Variants in SETBP1 observed in about 807,000 individuals in gnomAD.
SETBP1 encodes SET binding protein 1.
In SETBP1, 9 loss-of-function variants were observed where a neutral mutation model predicts 101.0. The observed-to-expected ratio is 0.09, with a 90% CI of 0.05 to 0.16. The LOEUF is 0.16. Among genes scored for constraint, SETBP1 ranks in the 10% least tolerant of loss-of-function variants. The pLI, the probability that SETBP1 is intolerant of heterozygous loss-of-function variation, is 1.00. For synonymous variants in SETBP1, 818 were observed against 788.5 expected (o/e 1.04, Z -0.63); for missense variants, 1,858 against 2,033.8 (o/e 0.91, Z 1.66).
chr18:44,904,712 G>C (rs1425700409), intron 3 of SETBP1, among the ~76,000 whole-genome samples: 1 of 152,124 alleles, frequency 6.6e-6, no homozygotes. Context: ...TGATGTTTCT[G>C]GCTAGTAAGC....
At chr18:44,773,800 C>T (rs2070928056) in intron 2 of SETBP1, among the ~76,000 whole-genome samples, 1 of 144,592 alleles carries the variant, frequency 6.9e-6, no homozygotes, top group Admixed American at 7.1e-5. Flanking sequence ...CAGCCTCTCT[C>T]TCTCTCTCTC....
chr18:44,971,179 TCCA>T (rs1401980913), intron 4 of SETBP1, among the ~76,000 whole-genome samples: 9 of 152,266 alleles, frequency 5.9e-5, no homozygotes, highest in Admixed American at 5.9e-4. Flanking sequence ...TCCAGCTTCA[TCCA>T]TGTCCCTACA....
chr18:44,809,179 C>A (rs2071808974), intron 2 of SETBP1, among the ~76,000 whole-genome samples: 1 of 152,172 alleles, frequency 6.6e-6, no homozygotes, highest in Non-Finnish European at 1.5e-5. Flanking sequence ...TTTCAAACCA[C>A]AGCTTGATCC....
chr18:44,886,302 T>A (rs1234780187), intron 3 of SETBP1, among the ~76,000 whole-genome samples: 2 of 152,220 alleles, frequency 1.3e-5, no homozygotes, highest in Non-Finnish European at 1.5e-5. Context: ...CCAGTAGAGA[T>A]GAGACCTCCA....
At chr18:44,911,028 A>G (rs2070296329) in intron 3 of SETBP1, among the ~76,000 whole-genome samples, 1 of 152,326 alleles carries the variant, frequency 6.6e-6, no homozygotes, top group East Asian at 1.9e-4. Flanking sequence ...AGTGCTGTGT[A>G]ACACAGGCTG....
intron 3 of SETBP1, among the ~76,000 whole-genome samples, chr18:44,922,502 T>C (rs574241854): frequency 1.7e-4 from 26 of 152,370 alleles, no homozygotes; most frequent in East Asian, 9.7e-4. Flanking sequence ...ATTGTTGGAA[T>C]GTAAAGTGTT....
intron 2 of SETBP1, among the ~76,000 whole-genome samples, chr18:44,834,473 GTGTT>G (rs2072450714): frequency 6.6e-6 from 1 of 152,174 alleles, no homozygotes; most frequent in Non-Finnish European, 1.5e-5. Context: ...GGCTTCCTGA[GTGTT>G]TGTCAAGCAG....
chr18:45,041,117 A>G (rs2073499662), intron 5 of SETBP1, among the ~76,000 whole-genome samples: 1 of 152,186 alleles, frequency 6.6e-6, no homozygotes, highest in Admixed American at 6.5e-5. Flanking sequence ...TTGGATTGGA[A>G]CCCAAATTTC....
chr18:44,696,459 C>A (rs1478752488), intron 1 of SETBP1, among the ~76,000 whole-genome samples: 1 of 152,128 alleles, frequency 6.6e-6, no homozygotes, highest in Non-Finnish European at 1.5e-5. Flanking sequence ...GCATTTCCAC[C>A]AGGCTTCAGA....
rs1231248620 is a variant in SETBP1, at chr18:44,836,118, GC to G, written c.487-33111del. On this transcript the variant is annotated intron_variant, in intron 2 of 5. Transcript: ENST00000649279. ...AACATCATTTCCTTACTCTCTATAA[GC>G]TTTTTTTTTTTTATTGTAAATGTTA... Among the ~76,000 whole-genome samples, 7 of 44,268 alleles carry G rather than the reference GC, an allele frequency of 1.6e-4. No individual in the cohort carries two copies. In the East Asian group the frequency reaches 2.8e-3, roughly 18 times the overall value. The allele number at this position is 44,268 out of a possible 152,430, so 29.0% of individuals were successfully genotyped here. A position where few individuals can be genotyped will look rare whatever the true frequency, so the allele number is the denominator to read the frequency against.
chr18:44,989,980 TC>T, intron 4 of SETBP1, among the ~76,000 whole-genome samples: 1 of 133,412 alleles, frequency 7.5e-6, no homozygotes, highest in African/African-American at 2.7e-5. Flanking sequence ...AAACAAACAA[TC>T]ATTAGGTTTT....
chr18:45,017,029 C>T (rs985873911), intron 4 of SETBP1, among the ~76,000 whole-genome samples: 1 of 152,118 alleles, frequency 6.6e-6, no homozygotes, highest in African/African-American at 2.4e-5. Context: ...CTTTTTGTCT[C>T]GTCCTTTGTT....
intron 4 of SETBP1, among the ~76,000 whole-genome samples, chr18:44,963,140 C>A (rs9957769): frequency 0.048 from 7,358 of 152,198 alleles, 630 homozygotes; most frequent in African/African-American, 0.17. Context: ...TCCTAGCATC[C>A]TCCCAACCCC....
At chr18:45,005,382 C>G (rs1270756464) in intron 4 of SETBP1, among the ~76,000 whole-genome samples, 1 of 152,116 alleles carries the variant, frequency 6.6e-6, no homozygotes, top group African/African-American at 2.4e-5. Context: ...AGGATGATGC[C>G]TGTAATAGGG....
At chr18:44,721,182 T>C (rs2069585530) in intron 2 of SETBP1, among the ~76,000 whole-genome samples, 1 of 152,162 alleles carries the variant, frequency 6.6e-6, no homozygotes, top group Non-Finnish European at 1.5e-5. Context: ...GAAGAAGTAA[T>C]TGATTTCTTT....
intron 3 of SETBP1, among the ~76,000 whole-genome samples, chr18:44,884,269 G>A (rs1215316416): frequency 2.0e-5 from 3 of 152,114 alleles, no homozygotes; most frequent in Non-Finnish European, 4.4e-5. Flanking sequence ...TGCAATGGAG[G>A]GAACAATATT....
chr18:44,757,929 A>G (rs1234294241), intron 2 of SETBP1, among the ~76,000 whole-genome samples: 1 of 152,222 alleles, frequency 6.6e-6, no homozygotes, highest in South Asian at 2.1e-4. Flanking sequence ...AAGACATCCC[A>G]GGTACATCAT....
At chr18:45,018,226 T>C (rs1681569659) in intron 4 of SETBP1, among the ~76,000 whole-genome samples, 1 of 152,254 alleles carries the variant, frequency 6.6e-6, no homozygotes. Flanking sequence ...ATAGCCCTTA[T>C]TTCTACTGTG....
At chr18:44,935,354 A>C (rs1423059732) in intron 3 of SETBP1, among the ~76,000 whole-genome samples, 3 of 152,214 alleles carry the variant, frequency 2.0e-5, no homozygotes, top group Admixed American at 6.5e-5. Context: ...AAAGGGAAAC[A>C]TGCGGTAAAG....
Sources: gnomAD v4.1 joint callset for allele counts (sites outside exome capture counted in the v4.1 genomes callset) on GRCh38, gnomAD v4.1.1 for gene constraint, MANE v1.5 for transcripts, NCBI Gene and HGNC (gene_info 2026-07-23, HGNC 2026-07-21) for gene names.